MAGEA11: variants seen among roughly 807,000 people sequenced by gnomAD.
The protein encoded by MAGEA11 is melanoma-associated antigen 11.
A neutral mutation model predicts 8.4 loss-of-function variants in MAGEA11; 1 was observed. That is an observed-to-expected ratio of 0.12 (90% CI 0.04 to 0.57). The LOEUF (loss-of-function observed/expected upper bound fraction) is 0.57. MAGEA11 is among the 20% of genes least tolerant of loss of function. MAGEA11 has a pLI of 0.91. For synonymous variants in MAGEA11, 127 were observed against 119.3 expected, an observed-to-expected ratio of 1.06 and a Z score of -0.42; for missense variants, 209 against 317.3, an observed-to-expected ratio of 0.66 and a Z score of 2.59.
At chrX:149,715,562 G>A in intron 3 of MAGEA11, 42 bp from the exon 4 acceptor site, 1 of 1,002,995 alleles carries the variant, frequency 1.0e-6, no homozygotes, top group African/African-American at 1.9e-5. Context: ...CTGCTCTGAT[G>A]TCCAGCTGCA....
chrX:149,691,871 T>C (rs1337953454), intron 1 of MAGEA11, among the ~76,000 whole-genome samples: 1 of 112,773 alleles, frequency 8.9e-6, no homozygotes, highest in African/African-American at 3.2e-5. Context: ...ATTTTCTATC[T>C]CTCATCGCTC....
chrX:149,710,630 T>G (rs1557361839), upstream of MAGEA11, among the ~76,000 whole-genome samples: 1 of 110,213 alleles, frequency 9.1e-6, no homozygotes, highest in African/African-American at 3.3e-5. Flanking sequence ...TCATTTCTTT[T>G]TTCTTTTTCT....
chrX:149,689,578 G>T (rs1602916369), intron 1 of MAGEA11, among the ~76,000 whole-genome samples: 2 of 112,459 alleles, frequency 1.8e-5, no homozygotes, highest in African/African-American at 6.5e-5. Flanking sequence ...CCTTTAGGCA[G>T]TGGGCCCTGA....
At chrX:149,691,576 T>C (rs920064722) in intron 1 of MAGEA11, among the ~76,000 whole-genome samples, 4 of 112,053 alleles carry the variant, frequency 3.6e-5, no homozygotes, top group Non-Finnish European at 7.5e-5. Flanking sequence ...CTATAGCTTA[T>C]AATGCCTCAT....
At chrX:149,688,660 A>ACATATACATATG (rs1285291908), upstream of MAGEA11, among the ~76,000 whole-genome samples, 1 of 6,050 alleles carries the variant, frequency 1.7e-4, no homozygotes, top group Non-Finnish European at 5.4e-4. Flanking sequence ...ATATACACAT[A>ACATATACATATG]CATATACATA....
upstream of MAGEA11, among the ~76,000 whole-genome samples, chrX:149,707,723 C>A (rs2090383219): frequency 8.9e-6 from 1 of 112,168 alleles, no homozygotes; most frequent in African/African-American, 3.2e-5. Context: ...TAAAACCCTT[C>A]CAACTTGTAA....
intron 1 of MAGEA11, among the ~76,000 whole-genome samples, chrX:149,704,790 C>T (rs990492846): frequency 1.8e-5 from 2 of 112,463 alleles, no homozygotes; most frequent in Non-Finnish European, 3.8e-5. Flanking sequence ...GGCCTGGTCT[C>T]TTTTATTCTC....
chrX:149,695,316 T>C (rs1176586499), intron 1 of MAGEA11, among the ~76,000 whole-genome samples: 1 of 111,462 alleles, frequency 9.0e-6, no homozygotes, highest in Non-Finnish European at 1.9e-5. Flanking sequence ...GAGCTCATAC[T>C]GTGGCTAGGT....
chrX:149,692,476 C>T (rs1190150148), intron 1 of MAGEA11, among the ~76,000 whole-genome samples: 1 of 110,502 alleles, frequency 9.0e-6, no homozygotes, highest in Non-Finnish European at 1.9e-5. Flanking sequence ...TTCTGATTGG[C>T]AAAGCCCCTG....
chrX:149,699,233 C>A (rs1352235831), intron 1 of MAGEA11, among the ~76,000 whole-genome samples: 3 of 111,938 alleles, frequency 2.7e-5, no homozygotes, highest in African/African-American at 9.7e-5. Context: ...ATTGCACATA[C>A]CCAATTTCTC....
Position 149,715,624 on chromosome X carries a change from C to G in MAGEA11, c.213C>G (p.Asn71Lys). The G allele has an allele frequency of 1.7e-6, 2 of 1,209,201 alleles. No individual in the cohort carries two copies. The highest frequency in any genetic ancestry group is 2.2e-6 in the Non-Finnish European group (2 of 893,495). Reference sequence around the variant, plus strand: ...TTCAGGTTTTTAGAGAACAGGCCAACCTGGAGGACAGGAGTCCCAGGAGAA... The same window carrying G: ...TTCAGGTTTTTAGAGAACAGGCCAAGCTGGAGGACAGGAGTCCCAGGAGAA... Reference protein sequence around the residue: ...PRVQVFREQANLEDRSPRRTQ... With the variant: ...PRVQVFREQAKLEDRSPRRTQ... Residue 71 changes from asparagine (N) to lysine (K), a missense_variant, in exon 4 of 5, where the codon AAC becomes AAG. Transcript: ENST00000355220.
chrX:149,710,914 A>T (rs782780674), upstream of MAGEA11, among the ~76,000 whole-genome samples: 2 of 112,166 alleles, frequency 1.8e-5, no homozygotes, highest in South Asian at 3.7e-4. Context: ...TGAGAATTTC[A>T]TTGTATTTTG....
At position 149,716,636 on chromosome X, in the gene MAGEA11, T is replaced by C. The variant is rs782334682; in HGVS notation, c.1150T>C (p.Phe384Leu). 8.3e-7 allele frequency: 1 copy of C among 1,211,695 alleles called. No homozygotes were observed. The highest frequency in any genetic ancestry group is 3.0e-5 in the East Asian group (1 of 33,848). The change falls in exon 5 of 5, where the codon TTC becomes CTC. Residue 384 changes from phenylalanine to leucine, a missense_variant. Around this residue, in one of 2 missense-constraint regions of MAGEA11, gnomAD observed 78 missense variants for 178.8 expected, o/e 0.44. Transcript: ENST00000355220. ...VPGTDPACYEFLWGPRAHAET... is the reference protein window; with the variant it reads ...VPGTDPACYELLWGPRAHAET... ...CGGCACTGATCCTGCATGCTATGAGTTCCTGTGGGGTCCAAGGGCCCACGC... is the reference window on the plus strand; with the variant it reads ...CGGCACTGATCCTGCATGCTATGAGCTCCTGTGGGGTCCAAGGGCCCACGC...
intron 1 of MAGEA11, among the ~76,000 whole-genome samples, chrX:149,706,452 T>C (rs782473921): frequency 8.9e-6 from 1 of 112,045 alleles, no homozygotes; most frequent in Non-Finnish European, 1.9e-5. Context: ...GTTTAATTAA[T>C]GTGTGGGCAT....
chrX:149,691,204 T>C (rs979409462), intron 1 of MAGEA11, among the ~76,000 whole-genome samples: 2 of 111,663 alleles, frequency 1.8e-5, no homozygotes, highest in East Asian at 5.6e-4. Context: ...TTATAGTTTT[T>C]ATCAAACCTG....
intron 1 of MAGEA11, among the ~76,000 whole-genome samples, chrX:149,712,817 G>A (rs1382112971): frequency 2.7e-5 from 3 of 111,978 alleles, no homozygotes; most frequent in East Asian, 5.6e-4. Flanking sequence ...GGCTGGTTGG[G>A]GGGGGCAGGA....
chrX:149,716,889 G>A lies in MAGEA11; in HGVS notation c.*113G>A. ...AAATCAGGCCCATTCTTCCCTCTGTGTTTGATGAGAGAAGTCAGTGTTCTC... is the reference window on the plus strand; with the variant it reads ...AAATCAGGCCCATTCTTCCCTCTGTATTTGATGAGAGAAGTCAGTGTTCTC... On this transcript the variant is annotated 3_prime_UTR_variant, in exon 5 of 5. Transcript: ENST00000355220. 1.4e-6 allele frequency: 1 copy of A among 737,500 alleles called. No individual in the cohort carries two copies. The highest frequency in any genetic ancestry group is 2.0e-6 in the Non-Finnish European group (1 of 504,292). 60.8% of individuals were successfully genotyped at this position (737,500 alleles called of 1,213,427 possible). A position where few individuals can be genotyped will look rare whatever the true frequency, so the allele number is the denominator to read the frequency against.
chrX:149,692,988 G>A (rs1557360278), intron 1 of MAGEA11, among the ~76,000 whole-genome samples: 1 of 111,825 alleles, frequency 8.9e-6, no homozygotes, highest in Non-Finnish European at 1.9e-5. Context: ...GGAACTGTAA[G>A]TCCATTAAAC....
At chrX:149,708,272 T>A (rs782389216), upstream of MAGEA11, among the ~76,000 whole-genome samples, 3 of 111,926 alleles carry the variant, frequency 2.7e-5, no homozygotes, top group Admixed American at 9.5e-5. Context: ...CAATCTTTAA[T>A]CCATGTCGAA....
Sources: gnomAD v4.1 joint callset for allele counts (sites outside exome capture counted in the v4.1 genomes callset) on GRCh38, gnomAD v4.1.1 for gene constraint, gnomAD v4.1.1 regional missense constraint, MANE v1.5 for transcripts, NCBI Gene and HGNC (gene_info 2026-07-23, HGNC 2026-07-21) for gene names.